PRKG1: variants seen among roughly 807,000 people sequenced by gnomAD.
PRKG1 encodes cGMP-dependent protein kinase 1.
A neutral mutation model predicts 88.1 loss-of-function variants in PRKG1; 35 were observed. That is an observed-to-expected ratio of 0.40 (90% CI 0.30 to 0.53). The LOEUF (loss-of-function observed/expected upper bound fraction) is 0.53, where lower values mean the gene tolerates loss of function less well. PRKG1 is among the 20% of genes least tolerant of loss of function. PRKG1 has a pLI of 0.59. For synonymous variants in PRKG1, 303 were observed against 292.5 expected, an observed-to-expected ratio of 1.04 and a Z score of -0.37; for missense variants, 540 against 839.8, an observed-to-expected ratio of 0.64 and a Z score of 4.41.
chr10:52,154,442 G>A (rs1838030556), intron 8 of PRKG1, among the ~76,000 whole-genome samples: 1 of 152,074 alleles, frequency 6.6e-6, no homozygotes, highest in Non-Finnish European at 1.5e-5. Context: ...CAAATAGTGG[G>A]CCAACTATAC....
intron 3 of PRKG1, among the ~76,000 whole-genome samples, chr10:51,797,348 G>A (rs7094206): frequency 0.045 from 6,521 of 144,518 alleles, 453 homozygotes; most frequent in African/African-American, 0.15. Flanking sequence ...GATAAATTTT[G>A]TTATATATAT....
chr10:52,154,683 GT>G (rs1157872776), intron 8 of PRKG1, among the ~76,000 whole-genome samples: 1 of 152,074 alleles, frequency 6.6e-6, no homozygotes, highest in Non-Finnish European at 1.5e-5. Flanking sequence ...AGTACAGGTG[GT>G]TTTTGGTTAC....
intron 5 of PRKG1, among the ~76,000 whole-genome samples, chr10:51,942,007 G>A (rs189233327): frequency 6.6e-6 from 1 of 151,998 alleles, no homozygotes. Context: ...TCTAGTTCTG[G>A]ATCCCTGAGG....
At chr10:51,996,270 G>A (rs1410462312) in intron 5 of PRKG1, among the ~76,000 whole-genome samples, 2 of 118,842 alleles carry the variant, frequency 1.7e-5, no homozygotes, top group Non-Finnish European at 3.2e-5. Flanking sequence ...AGCTGAGATA[G>A]CACCATGGCA....
intron 14 of PRKG1, among the ~76,000 whole-genome samples, chr10:52,282,559 A>G (rs1463428562): frequency 6.6e-6 from 1 of 152,084 alleles, no homozygotes; most frequent in Non-Finnish European, 1.5e-5. Context: ...TACATATGTG[A>G]ATGTGGAAGG....
chr10:51,028,441 T>G (rs1294538203), intron 1 of PRKG1, among the ~76,000 whole-genome samples: 1 of 152,186 alleles, frequency 6.6e-6, no homozygotes, highest in African/African-American at 2.4e-5. Context: ...ATCTGTTGAT[T>G]GGATTTGGCT....
intron 3 of PRKG1, among the ~76,000 whole-genome samples, chr10:51,767,434 G>T (rs576932903): frequency 6.6e-6 from 1 of 152,220 alleles, no homozygotes; most frequent in East Asian, 1.9e-4. Flanking sequence ...AAGGCTATCT[G>T]ATGACTGGAA....
intron 3 of PRKG1, among the ~76,000 whole-genome samples, chr10:51,738,993 G>A (rs1274307867): frequency 1.3e-5 from 2 of 152,088 alleles, no homozygotes; most frequent in African/African-American, 4.8e-5. Context: ...GGCACATAGG[G>A]CTCTACATTT....
intron 5 of PRKG1, among the ~76,000 whole-genome samples, chr10:51,977,225 C>T (rs1163747020): frequency 1.3e-5 from 2 of 151,896 alleles, no homozygotes; most frequent in African/African-American, 4.8e-5. Flanking sequence ...GTGGTATTTG[C>T]TTTTCTGTTT....
At chr10:52,037,217 G>A (rs1044802967) in intron 5 of PRKG1, among the ~76,000 whole-genome samples, 6 of 151,156 alleles carry the variant, frequency 4.0e-5, no homozygotes, top group Middle Eastern at 3.4e-3. Flanking sequence ...CCAGATTTCT[G>A]GCACATGTAG....
At chr10:51,497,879 A>T (rs1840906662) in intron 3 of PRKG1, among the ~76,000 whole-genome samples, 1 of 152,134 alleles carries the variant, frequency 6.6e-6, no homozygotes, top group African/African-American at 2.4e-5. Context: ...AGGAAAATCC[A>T]CAAATTCTAG....
At chr10:51,011,883 G>A (rs904884079) in intron 1 of PRKG1, among the ~76,000 whole-genome samples, 2 of 152,144 alleles carry the variant, frequency 1.3e-5, no homozygotes, top group African/African-American at 2.4e-5. Flanking sequence ...GAGGTTTAAC[G>A]GACTCACAGT....
chr10:52,166,707 A>G (rs1433577879), intron 9 of PRKG1, among the ~76,000 whole-genome samples: 2 of 145,596 alleles, frequency 1.4e-5, no homozygotes, highest in Non-Finnish European at 3.0e-5. Flanking sequence ...TCTGACGTGT[A>G]TAGCTTGTAT....
chr10:51,881,403 G>A (rs1841434796), intron 4 of PRKG1, among the ~76,000 whole-genome samples: 1 of 152,148 alleles, frequency 6.6e-6, no homozygotes, highest in South Asian at 2.1e-4. Flanking sequence ...GCTGCATTCA[G>A]CTGTGAGCTC....
In PRKG1 at chr10:51,684,221, A is replaced by G. The variant is rs1371202663; in HGVS notation, c.593-120364A>G. On this transcript the variant is annotated intron_variant, in intron 3 of 17. Transcript: ENST00000373980. ...CATGGATAAATTTTTTTTAAAAATT[A>G]TGTTAAGTAAAAGAAGCTGAAGACC... Among the ~76,000 whole-genome samples the G allele has an allele frequency of 4.6e-5, 7 of 152,224 alleles. No individual in the cohort carries two copies. The East Asian group carries it at 1.2e-3, about 25-fold the overall frequency.
chr10:51,398,154 T>C (rs572563246), intron 2 of PRKG1, among the ~76,000 whole-genome samples: 1 of 152,252 alleles, frequency 6.6e-6, no homozygotes, highest in South Asian at 2.1e-4. Context: ...GTCCCCAACC[T>C]TTTTGGCACC....
At chr10:51,895,082 G>A (rs1339560624) in intron 4 of PRKG1, among the ~76,000 whole-genome samples, 3 of 152,160 alleles carry the variant, frequency 2.0e-5, no homozygotes, top group Non-Finnish European at 4.4e-5. Context: ...TTTAAAAATT[G>A]TTATATTTGC....
chr10:51,763,184 A>G (rs548679278), intron 3 of PRKG1, among the ~76,000 whole-genome samples: 1 of 152,260 alleles, frequency 6.6e-6, no homozygotes, highest in African/African-American at 2.4e-5. Context: ...ATATTGTCTT[A>G]CCATGTACTT....
chr10:51,341,525 A>G (rs1842003573), intron 2 of PRKG1, among the ~76,000 whole-genome samples: 1 of 152,176 alleles, frequency 6.6e-6, no homozygotes, highest in Admixed American at 6.5e-5. Flanking sequence ...GGCAAGTGTT[A>G]TGGCTGGGAA....
Sources: gnomAD v4.1 joint callset for allele counts (sites outside exome capture counted in the v4.1 genomes callset) on GRCh38, gnomAD v4.1.1 for gene constraint, MANE v1.5 for transcripts, NCBI Gene and HGNC (gene_info 2026-07-23, HGNC 2026-07-21) for gene names.